NR5A2: variants seen among roughly 807,000 people sequenced by gnomAD.
The protein encoded by NR5A2 is CYP7A promoter-binding factor.
Under a neutral mutation model 62.7 loss-of-function variants are expected in NR5A2, and 26 were observed. The ratio of observed to expected loss-of-function variants is 0.41; its 90% CI spans 0.30 to 0.58. The LOEUF (loss-of-function observed/expected upper bound fraction) is 0.58. Ranked by LOEUF, NR5A2 falls within the 20% of genes least tolerant of loss-of-function variation. NR5A2 has a pLI of 0.22. For synonymous variants in NR5A2, 246 were observed against 241.7 expected (o/e 1.02, Z -0.16); for missense variants, 541 against 669.1 (o/e 0.81, Z 2.11).
intron 5 of NR5A2, among the ~76,000 whole-genome samples, chr1:200,086,819 A>G (rs888489443): frequency 6.6e-6 from 1 of 152,148 alleles, no homozygotes; most frequent in Non-Finnish European, 1.5e-5. Context: ...CGGCTAGATC[A>G]ACTGAGGTAC....
intron 6 of NR5A2, among the ~76,000 whole-genome samples, chr1:200,115,277 G>A (rs1342349102): frequency 6.6e-6 from 1 of 152,132 alleles, no homozygotes; most frequent in Non-Finnish European, 1.5e-5. Context: ...GGGAAAACAT[G>A]TATCTTAAAA....
intron 5 of NR5A2, among the ~76,000 whole-genome samples, chr1:200,075,289 A>G (rs1441237571): frequency 6.6e-6 from 1 of 152,248 alleles, no homozygotes; most frequent in African/African-American, 2.4e-5. Flanking sequence ...ATATAAGTGG[A>G]AAAAGGAAAG....
At chr1:200,171,742 T>G (rs1185507614) in intron 7 of NR5A2, among the ~76,000 whole-genome samples, 1 of 152,154 alleles carries the variant, frequency 6.6e-6, no homozygotes, top group Non-Finnish European at 1.5e-5. Context: ...AGCAAGACTC[T>G]GTCTCAAAAT....
intron 1 of NR5A2, among the ~76,000 whole-genome samples, chr1:200,036,971 C>A (rs1661807465): frequency 6.6e-6 from 1 of 152,214 alleles, no homozygotes; most frequent in South Asian, 2.1e-4. Context: ...ACCGTTCCCT[C>A]CCGCACCCCT....
At chr1:200,107,967 T>C (rs1005268644) in intron 5 of NR5A2, among the ~76,000 whole-genome samples, 1 of 152,052 alleles carries the variant, frequency 6.6e-6, no homozygotes, top group Non-Finnish European at 1.5e-5. Context: ...ATGGCTTAAT[T>C]GTGGCAAGGT....
intron 5 of NR5A2, chr1:200,058,157 T>C (rs1428276879): frequency 6.6e-6 from 1 of 152,224 alleles, no homozygotes; most frequent in Non-Finnish European, 1.5e-5. Context: ...TACATTTTTT[T>C]GGTCCTGGTC....
intron 6 of NR5A2, among the ~76,000 whole-genome samples, chr1:200,114,417 A>G (rs974332374): frequency 6.6e-6 from 1 of 152,154 alleles, no homozygotes; most frequent in Non-Finnish European, 1.5e-5. Flanking sequence ...TTTCTTCACT[A>G]GTGCAGACCA....
At chr1:200,169,511 T>C (rs1241128189) in intron 7 of NR5A2, among the ~76,000 whole-genome samples, 2 of 152,146 alleles carry the variant, frequency 1.3e-5, no homozygotes, top group East Asian at 1.9e-4. Flanking sequence ...AGAGAGAGCC[T>C]GAATGTTGTG....
In NR5A2 at chr1:200,176,016, A is replaced by G. The variant is rs775405839; in HGVS notation, c.*1806A>G. 2.2e-4 allele frequency: 34 copies of G among 152,654 alleles called. No homozygotes were observed. Among genetic ancestry groups the G allele is most frequent in the Non-Finnish European group, 4.1e-4 (28 of 68,028 alleles). 9.5% of individuals were successfully genotyped at this position (152,654 alleles called of 1,614,324 possible). A position where few individuals can be genotyped will look rare whatever the true frequency, so the allele number is the denominator to read the frequency against. On this transcript the variant is annotated 3_prime_UTR_variant, in exon 8 of 8. Transcript: ENST00000367362. ...ATAGCCAAGACTGAAGAAACCAAAT[A>G]TATGTGTTTACTGTAGCATGTCTTC...
At chr1:200,146,421 G>A (rs1348835219) in intron 7 of NR5A2, among the ~76,000 whole-genome samples, 3 of 152,082 alleles carry the variant, frequency 2.0e-5, no homozygotes, top group Non-Finnish European at 2.9e-5. Context: ...CAGGATAGTC[G>A]GTTTTTTAAT....
intron 5 of NR5A2, among the ~76,000 whole-genome samples, chr1:200,066,156 A>T (rs1663457480): frequency 6.6e-6 from 1 of 152,164 alleles, no homozygotes; most frequent in South Asian, 2.1e-4. Context: ...CCATCACCCC[A>T]GGGGAGAGAT....
intron 5 of NR5A2, chr1:200,058,277 C>T (rs1663018902): frequency 6.6e-6 from 1 of 152,184 alleles, no homozygotes; most frequent in Non-Finnish European, 1.5e-5. Context: ...TGACTATCAC[C>T]TGTCTAAATG....
chr1:200,040,061 A>C (rs763941885), intron 2 of NR5A2, among the ~76,000 whole-genome samples: 44 of 152,224 alleles, frequency 2.9e-4, no homozygotes, highest in Admixed American at 7.9e-4. Context: ...CAACCCAAGC[A>C]GGGCAGCTTC....
chr1:200,046,771 C>T (rs966414196), intron 4 of NR5A2, among the ~76,000 whole-genome samples: 3 of 152,256 alleles, frequency 2.0e-5, no homozygotes, highest in Non-Finnish European at 4.4e-5. Flanking sequence ...GTAAGAGACT[C>T]AGAAGATAAG....
At chr1:200,157,593 G>T (rs1483851631) in intron 7 of NR5A2, among the ~76,000 whole-genome samples, 2 of 152,120 alleles carry the variant, frequency 1.3e-5, no homozygotes, top group African/African-American at 4.8e-5. Context: ...CTGCCACATG[G>T]TTACACAAAT....
chr1:200,171,316 T>C (rs778046042), intron 7 of NR5A2, among the ~76,000 whole-genome samples: 21 of 152,244 alleles, frequency 1.4e-4, no homozygotes, highest in Admixed American at 2.6e-4. Flanking sequence ...GTGGATTCAA[T>C]TCTGATCAGC....
At chr1:200,127,294 G>A (rs1483520168) in intron 7 of NR5A2, among the ~76,000 whole-genome samples, 1 of 152,056 alleles carries the variant, frequency 6.6e-6, no homozygotes, top group African/African-American at 2.4e-5. Context: ...GAACTGTGTG[G>A]GTCCACTTCT....
At chr1:200,042,908 C>T in intron 2 of NR5A2, 1 of 985,478 alleles carries the variant, frequency 1.0e-6, no homozygotes, top group Non-Finnish European at 1.2e-6. Context: ...CGGCAGTGAG[C>T]CGCGCCGCGC....
chr1:200,156,902 T>TA (rs1159173571), intron 7 of NR5A2, among the ~76,000 whole-genome samples: 2 of 152,184 alleles, frequency 1.3e-5, no homozygotes, highest in East Asian at 3.9e-4. Context: ...ATTTTCAACT[T>TA]ACGATGGGCT....
Sources: allele counts gnomAD v4.1 joint callset (sites outside exome capture counted in the v4.1 genomes callset), GRCh38; gene constraint gnomAD v4.1.1; transcripts MANE v1.5; gene names NCBI Gene and HGNC (gene_info 2026-07-23, HGNC 2026-07-21).